Variants in LRRTM4 observed in about 807,000 individuals in gnomAD.
The protein encoded by LRRTM4 is leucine rich repeat transmembrane neuronal 4.
LRRTM4 carries 25 observed loss-of-function variants against 47.6 expected under a neutral mutation model. The observed-to-expected ratio is 0.53, with a 90% CI of 0.38 to 0.73. The LOEUF (loss-of-function observed/expected upper bound fraction) is 0.73, where lower values mean the gene tolerates loss of function less well. LRRTM4 is among the 30% of genes least tolerant of loss of function. LRRTM4 has a pLI of 0.00. For missense variants in LRRTM4, 638 were observed against 713.4 expected (o/e 0.89, Z 1.20); for synonymous variants, 311 against 269.5 (o/e 1.15, Z -1.51).
Position 77,250,220 on chromosome 2 carries a change from T to C in LRRTM4, c.1551+268098A>G, listed in dbSNP as rs549485169. The stretch of plus-strand genomic sequence containing the variant: ...GAAGATGTGTAGGGCAGTGAAACTA[T>C]CACGTCATAATAAATTTGCTAAAAT... On this transcript the variant is annotated intron_variant, in intron 3 of 3. Transcript: ENST00000409884. Among the ~76,000 whole-genome samples, 3 of 152,290 alleles carry C rather than the reference T, an allele frequency of 2.0e-5. No individual in the cohort carries two copies. The East Asian group carries it at 5.8e-4, about 29-fold the overall frequency.
chr2:77,083,489 C>T (rs1680597155), intron 3 of LRRTM4, among the ~76,000 whole-genome samples: 1 of 152,098 alleles, frequency 6.6e-6, no homozygotes, highest in African/African-American at 2.4e-5. Flanking sequence ...CAGTGGAAAC[C>T]AGTAAGCTGA....
intron 3 of LRRTM4, among the ~76,000 whole-genome samples, chr2:77,033,068 G>C (rs1489540268): frequency 6.6e-6 from 1 of 151,994 alleles, no homozygotes; most frequent in South Asian, 2.1e-4. Flanking sequence ...ATGGTAATCT[G>C]ATGTTTTAAA....
intron 3 of LRRTM4, among the ~76,000 whole-genome samples, chr2:76,967,385 G>A (rs922099452): frequency 1.2e-4 from 18 of 151,486 alleles, no homozygotes; most frequent in Middle Eastern, 6.8e-3. Flanking sequence ...CCAATCTATC[G>A]TGCATAACAT....
chr2:77,252,013 G>C (rs978123811), intron 3 of LRRTM4, among the ~76,000 whole-genome samples: 1 of 152,124 alleles, frequency 6.6e-6, no homozygotes. Flanking sequence ...CCTACGACTT[G>C]CAGACAGATA....
intron 3 of LRRTM4, among the ~76,000 whole-genome samples, chr2:77,476,494 A>G (rs1372430171): frequency 6.6e-6 from 1 of 152,118 alleles, no homozygotes. Flanking sequence ...TCTCTTTGAT[A>G]ACTCATATAT....
chr2:77,074,169 C>G (rs1680257343), intron 3 of LRRTM4, among the ~76,000 whole-genome samples: 1 of 152,120 alleles, frequency 6.6e-6, no homozygotes, highest in Admixed American at 6.5e-5. Context: ...GCATCTATTT[C>G]TCATCTAATT....
Position 77,470,873 on chromosome 2 carries a change from G to C in LRRTM4, c.1551+47445C>G, listed in dbSNP as rs936332544. 3.3e-5 allele frequency among the ~76,000 whole-genome samples: 5 copies of C among 152,028 alleles called. 1 individual carries two copies. In the East Asian group the frequency reaches 7.7e-4, roughly 23 times the overall value. ...TAGGAAATTTTGTGGGACTCAGTTAGTACCAATAAAGTAAGTATAAAGACT... is the reference window on the plus strand; with the variant it reads ...TAGGAAATTTTGTGGGACTCAGTTACTACCAATAAAGTAAGTATAAAGACT... On this transcript the variant is annotated intron_variant, in intron 3 of 3. Coordinates refer to ENST00000409884, the MANE Select transcript of LRRTM4 (RefSeq NM_001134745.3).
intron 3 of LRRTM4, among the ~76,000 whole-genome samples, chr2:76,952,133 A>C (rs892847875): frequency 6.6e-6 from 1 of 151,998 alleles, no homozygotes; most frequent in African/African-American, 2.4e-5. Flanking sequence ...ATAGTAGGCT[A>C]TAGTAGGCTT....
intron 3 of LRRTM4, among the ~76,000 whole-genome samples, chr2:77,464,521 A>G (rs1176498449): frequency 1.3e-5 from 2 of 150,970 alleles, no homozygotes; most frequent in Non-Finnish European, 3.0e-5. Flanking sequence ...TTTTTTTTCA[A>G]ACTAAGTCTT....
intron 3 of LRRTM4, among the ~76,000 whole-genome samples, chr2:77,377,412 T>A (rs977960946): frequency 2.6e-5 from 4 of 152,124 alleles, no homozygotes; most frequent in Admixed American, 1.3e-4. Context: ...ATTCTGCAGA[T>A]AATAGTTGGA....
chr2:77,482,990 G>A lies in LRRTM4; in HGVS notation c.1551+35328C>T, dbSNP rs191430889. Among the ~76,000 whole-genome samples the A allele has an allele frequency of 3.2e-3, 481 of 151,104 alleles. 3 individuals are homozygous for A. The highest frequency in any genetic ancestry group is 0.011 in the African/African-American group (455 of 41,210). ...ACAAAAATTAGCCGGGCGTGGTGGC[G>A]GGCACCTGTAGTCCCAGCTACTCAG... On this transcript the variant is annotated intron_variant, in intron 3 of 3. Coordinates refer to ENST00000409884, the MANE Select transcript of LRRTM4 (RefSeq NM_001134745.3).
At chr2:76,793,663 T>C (rs983817918) in intron 3 of LRRTM4, among the ~76,000 whole-genome samples, 2 of 152,130 alleles carry the variant, frequency 1.3e-5, no homozygotes, top group African/African-American at 2.4e-5. Flanking sequence ...CAGGATATGG[T>C]AGATGAAGAG....
At chr2:77,023,515 A>T (rs1678346482) in intron 3 of LRRTM4, among the ~76,000 whole-genome samples, 1 of 152,100 alleles carries the variant, frequency 6.6e-6, no homozygotes, top group South Asian at 2.1e-4. Context: ...TTTAATACTG[A>T]ATGTTTTTAA....
At chr2:77,503,918 A>T (rs1373747909) in intron 3 of LRRTM4, among the ~76,000 whole-genome samples, 1 of 151,722 alleles carries the variant, frequency 6.6e-6, no homozygotes, top group Non-Finnish European at 1.5e-5. Context: ...CAAGCTTAGC[A>T]AGAGCTGTTT....
rs202209840 is a variant in LRRTM4, at chr2:76,748,702, G to T, written c.1766C>A (p.Ala589Glu). The T allele has an allele frequency of 5.2e-5, 78 of 1,486,396 alleles. No homozygotes were observed. The highest frequency in any genetic ancestry group is 1.2e-5 in the Non-Finnish European group (13 of 1,090,128). The allele number at this position is 1,486,396 out of a possible 1,614,324, so 92.1% of individuals were successfully genotyped here. A position where few individuals can be genotyped will look rare whatever the true frequency, so the allele number is the denominator to read the frequency against. ...GAGGAGTTGGCTTCAGCGTTAGTTT[G>T]CAATTCTCTCTAGGTAGATGGCCGG... is the stretch of plus-strand genomic sequence containing the variant. ...AAPAIYLERI[A>E]N Residue 589 changes from alanine (A) to glutamate (E), a missense_variant, in exon 4 of 4, where the codon GCA becomes GAA. Transcript: ENST00000409884.
chr2:76,974,621 A>C (rs977459662), intron 3 of LRRTM4, among the ~76,000 whole-genome samples: 1 of 151,604 alleles, frequency 6.6e-6, no homozygotes, highest in African/African-American at 2.4e-5. Flanking sequence ...ATCTCTAATA[A>C]AAGTGGAATT....
At chr2:77,490,920 T>C (rs2104045348) in intron 3 of LRRTM4, among the ~76,000 whole-genome samples, 1 of 152,272 alleles carries the variant, frequency 6.6e-6, no homozygotes, top group East Asian at 1.9e-4. Flanking sequence ...TGAAAAATGT[T>C]GAAAAGGATC....
intron 3 of LRRTM4, among the ~76,000 whole-genome samples, chr2:77,475,816 T>A (rs1573464593): frequency 6.6e-6 from 1 of 151,924 alleles, no homozygotes; most frequent in East Asian, 1.9e-4. Context: ...TTCATTTATG[T>A]GTGAATTTAG....
intron 3 of LRRTM4, among the ~76,000 whole-genome samples, chr2:77,207,613 C>T (rs893716487): frequency 1.3e-5 from 2 of 151,346 alleles, no homozygotes; most frequent in South Asian, 4.2e-4. Context: ...AAGTAGGTCT[C>T]CTTGATGTCT....
Sources: allele counts gnomAD v4.1 joint callset (sites outside exome capture counted in the v4.1 genomes callset), GRCh38; gene constraint gnomAD v4.1.1; transcripts MANE v1.5; gene names NCBI Gene and HGNC (gene_info 2026-07-23, HGNC 2026-07-21).